Variants in ASH2L observed in about 807,000 individuals in gnomAD.
ASH2L encodes the protein ASH2 like, histone lysine methyltransferase complex subunit.
Under a neutral mutation model 81.1 loss-of-function variants are expected in ASH2L, and 30 were observed. That is an observed-to-expected ratio of 0.37 (90% CI 0.28 to 0.50). ASH2L has a LOEUF of 0.50. Ranked by LOEUF, ASH2L falls within the 20% of genes least tolerant of loss-of-function variation. The pLI, the probability that ASH2L is intolerant of heterozygous loss-of-function variation, is 0.95. For synonymous variants in ASH2L, 273 were observed against 279.9 expected (o/e 0.98, Z 0.24); for missense variants, 559 against 792.1 (o/e 0.71, Z 3.53).
intron 1 of ASH2L, 22 bp downstream of exon 1, chr8:38,105,760 G>T: frequency 6.7e-7 from 1 of 1,502,668 alleles, no homozygotes. Context: ...TGCCGCCCGA[G>T]GAAGACGCGG....
intron 13 of ASH2L, among the ~76,000 whole-genome samples, chr8:38,135,259 G>A (rs572584557): frequency 2.0e-5 from 3 of 152,238 alleles, no homozygotes; most frequent in African/African-American, 7.2e-5. Context: ...ACCAGTCTGG[G>A]CAATACAGTG....
At chr8:38,112,300 C>CTGTA (rs1810718412) in intron 5 of ASH2L, among the ~76,000 whole-genome samples, 1 of 151,236 alleles carries the variant, frequency 6.6e-6, no homozygotes, top group African/African-American at 2.4e-5. Context: ...CACCCAGCCC[C>CTGTA]TTTATTTATT....
At chr8:38,109,700 G>A (rs1322656063) in intron 3 of ASH2L, among the ~76,000 whole-genome samples, 1 of 152,060 alleles carries the variant, frequency 6.6e-6, no homozygotes, top group African/African-American at 2.4e-5. Context: ...GCCTCTCAAA[G>A]TTCTGGAATT....
Position 38,133,560 on chromosome 8 carries a change from A to T in ASH2L, c.1620+14A>T. 6.3e-7 allele frequency: 1 copy of T among 1,575,048 alleles called. No homozygotes were observed. Among genetic ancestry groups the T allele is most frequent in the Non-Finnish European group, 8.6e-7 (1 of 1,157,104 alleles). ...CCCCATAGTGAGGTGAGTCATGGCCATAAGAACATTAGAATCATAAGGCCT... is the reference window on the plus strand; with the variant it reads ...CCCCATAGTGAGGTGAGTCATGGCCTTAAGAACATTAGAATCATAAGGCCT... On this transcript the variant is annotated intron_variant, in intron 13 of 15. Coordinates refer to ENST00000343823, the MANE Select transcript of ASH2L (RefSeq NM_004674.5).
intron 10 of ASH2L, 34 bp downstream of exon 10, chr8:38,121,183 G>A: frequency 1.3e-6 from 2 of 1,590,112 alleles, no homozygotes; most frequent in Non-Finnish European, 1.7e-6. Context: ...ATGGATGCAG[G>A]GTTACTTTGA....
intron 10 of ASH2L, among the ~76,000 whole-genome samples, chr8:38,125,546 T>G (rs1207021261): frequency 6.6e-6 from 1 of 151,292 alleles, no homozygotes; most frequent in Non-Finnish European, 1.5e-5. Context: ...AGGCGGAGGT[T>G]GCAGTGAGCC....
Position 38,115,018 on chromosome 8 carries a change from A to G in ASH2L, c.777+18A>G. The G allele has an allele frequency of 1.3e-6, 2 of 1,531,106 alleles. No individual in the cohort carries two copies. Among genetic ancestry groups the G allele is most frequent in the East Asian group, 2.3e-5 (1 of 44,378 alleles). 94.8% of individuals were successfully genotyped at this position (1,531,106 alleles called of 1,614,324 possible). On this transcript the variant is annotated intron_variant, in intron 7 of 15. Transcript: ENST00000343823. Reference sequence around the variant, plus strand: ...TGGATCAGGTACATTAATATGTTTTACATTTTCTTTTTGATTTTAAGCCAC... The same window carrying G: ...TGGATCAGGTACATTAATATGTTTTGCATTTTCTTTTTGATTTTAAGCCAC...
chr8:38,114,954 G>T lies in ASH2L; in HGVS notation c.731G>T (p.Ser244Ile). ...FLVKEHPDPG[S>I]KDPEEDYPKF... ...GTAAAGGAACACCCAGATCCAGGCA[G>T]TAAAGATCCAGAAGAAGATTACCCC... The change falls in exon 7 of 16, where the codon AGT (serine) becomes ATT (isoleucine). Residue 244 changes from serine (S) to isoleucine (I), a missense_variant. Ser to Ile is a moderately radical substitution (Grantham distance 142). Around this residue, in one of 4 missense-constraint regions of ASH2L, gnomAD observed 318 missense variants for 527.0 expected, o/e 0.60. Coordinates refer to ENST00000343823, the MANE Select transcript of ASH2L (RefSeq NM_004674.5). 6.2e-7 allele frequency: 1 copy of T among 1,612,954 alleles called. No homozygotes were observed. The highest frequency in any genetic ancestry group is 2.2e-5 in the East Asian group (1 of 44,822).
intron 7 of ASH2L, among the ~76,000 whole-genome samples, chr8:38,115,913 G>A (rs1320515160): frequency 6.6e-6 from 1 of 152,144 alleles, no homozygotes; most frequent in Non-Finnish European, 1.5e-5. Context: ...TTGGGACTCT[G>A]CAAGCTTCAT....
At chr8:38,134,004 G>A (rs1300072082) in intron 13 of ASH2L, among the ~76,000 whole-genome samples, 1 of 152,186 alleles carries the variant, frequency 6.6e-6, no homozygotes. Context: ...TTGGGATGCT[G>A]TTGATCTATG....
At chr8:38,128,684 G>A in intron 11 of ASH2L, 74 bp from the exon 12 acceptor site, 1 of 1,551,702 alleles carries the variant, frequency 6.4e-7, no homozygotes. Context: ...AAAAGAAATA[G>A]GATCTTTTTC....
chr8:38,106,920 C>T (rs1810459363), intron 2 of ASH2L, 101 bp from the exon 3 acceptor site: 1 of 1,435,962 alleles, frequency 7.0e-7, no homozygotes, highest in East Asian at 2.5e-5. Context: ...CACTTGAGAC[C>T]AGCCTGGGCA....
upstream of ASH2L, chr8:38,105,506 G>T: frequency 6.7e-7 from 1 of 1,489,112 alleles, no homozygotes; most frequent in East Asian, 2.6e-5. Flanking sequence ...AGCAACGCGC[G>T]CGAGAGAAGA....
At chr8:38,132,961 G>A (rs1356669437) in intron 12 of ASH2L, among the ~76,000 whole-genome samples, 1 of 151,960 alleles carries the variant, frequency 6.6e-6, no homozygotes, top group African/African-American at 2.4e-5. Flanking sequence ...AGCCGGGTGT[G>A]GTGTAATCCC....
At chr8:38,134,418 A>C (rs1802177440) in intron 13 of ASH2L, among the ~76,000 whole-genome samples, 1 of 152,106 alleles carries the variant, frequency 6.6e-6, no homozygotes, top group African/African-American at 2.4e-5. Context: ...ATCAAGTCCA[A>C]AGGGAGGGAA....
intron 10 of ASH2L, among the ~76,000 whole-genome samples, chr8:38,125,289 A>G (rs1801790829): frequency 6.6e-6 from 1 of 152,018 alleles, no homozygotes; most frequent in Non-Finnish European, 1.5e-5. Flanking sequence ...TATATATATC[A>G]CCCTATGTAC....
intron 6 of ASH2L, 136 bp downstream of exon 6, chr8:38,114,423 T>A: frequency 1.6e-6 from 1 of 617,336 alleles, no homozygotes; most frequent in East Asian, 3.0e-5. Context: ...GAGATACAGC[T>A]AATTGTGAAT....
At position 38,139,189 on chromosome 8, in the gene ASH2L, G is replaced by A. The variant is rs2130599926; in HGVS notation, c.*118G>A. The A allele has an allele frequency of 1.2e-6, 1 of 850,242 alleles. No individual in the cohort carries two copies. Among genetic ancestry groups the A allele is most frequent in the Non-Finnish European group, 1.8e-6 (1 of 562,304 alleles). 52.7% of individuals were successfully genotyped at this position (850,242 alleles called of 1,614,324 possible). A position where few individuals can be genotyped will look rare whatever the true frequency, so the allele number is the denominator to read the frequency against. ...GCTAAAAACACAGCCTCTCCTTTTA[G>A]CAAGTTAAAAGGCTGGGTAGGACTG... On this transcript the variant is annotated 3_prime_UTR_variant, in exon 16 of 16. Transcript: ENST00000343823.
At chr8:38,116,421 T>A (rs1810902963) in intron 7 of ASH2L, among the ~76,000 whole-genome samples, 1 of 152,068 alleles carries the variant, frequency 6.6e-6, no homozygotes, top group Non-Finnish European at 1.5e-5. Context: ...TAATCCCAGC[T>A]ACTCGGGAGG....
Sources: gnomAD v4.1 joint callset for allele counts (sites outside exome capture counted in the v4.1 genomes callset) on GRCh38, gnomAD v4.1.1 for gene constraint, gnomAD v4.1.1 regional missense constraint, MANE v1.5 for transcripts, NCBI Gene and HGNC (gene_info 2026-07-23, HGNC 2026-07-21) for gene names.